Variants in RAD18 observed in about 807,000 individuals in gnomAD.
RAD18 encodes the protein E3 ubiquitin-protein ligase RAD18.
A neutral mutation model predicts 60.4 loss-of-function variants in RAD18; 47 were observed. The observed-to-expected ratio is 0.78, with a 90% confidence interval of 0.62 to 0.99. The LOEUF (loss-of-function observed/expected upper bound fraction) is 0.99, where lower values mean the gene tolerates loss of function less well. Among genes scored for constraint, RAD18 ranks in the 50% least tolerant of loss-of-function variants. RAD18 has a pLI of 0.00. For synonymous variants in RAD18, 225 were observed against 195.5 expected, an observed-to-expected ratio of 1.15 and a Z score of -1.26; for missense variants, 640 against 593.3, an observed-to-expected ratio of 1.08 and a Z score of -0.82.
At chr3:8,934,017 G>C (rs1201934981) in intron 7 of RAD18, among the ~76,000 whole-genome samples, 1 of 152,192 alleles carries the variant, frequency 6.6e-6, no homozygotes, top group East Asian at 1.9e-4. Flanking sequence ...TCTCAGCCAA[G>C]ACTTCTGGCA....
At chr3:8,940,054 TG>T (rs1940721436) in intron 5 of RAD18, among the ~76,000 whole-genome samples, 1 of 152,258 alleles carries the variant, frequency 6.6e-6, no homozygotes, top group African/African-American at 2.4e-5. Context: ...AAGACACACC[TG>T]GCCCAAGGGC....
intron 7 of RAD18, among the ~76,000 whole-genome samples, chr3:8,929,549 A>C (rs1406413832): frequency 1.3e-5 from 2 of 152,220 alleles, no homozygotes; most frequent in African/African-American, 4.8e-5. Context: ...TTTAATATTC[A>C]AAAATTAATC....
intron 7 of RAD18, chr3:8,931,385 C>T (rs1940550603): frequency 6.6e-6 from 1 of 152,214 alleles, no homozygotes; most frequent in Non-Finnish European, 1.5e-5. Flanking sequence ...CATACCACGA[C>T]TGTGCATTAA....
At chr3:8,921,937 C>T (rs1161762478) in intron 7 of RAD18, among the ~76,000 whole-genome samples, 1 of 151,982 alleles carries the variant, frequency 6.6e-6, no homozygotes, top group South Asian at 2.1e-4. Context: ...AAAAATAGTA[C>T]AAAGAATGAA....
intron 7 of RAD18, among the ~76,000 whole-genome samples, chr3:8,930,694 C>G (rs1940538677): frequency 2.0e-5 from 3 of 152,006 alleles, no homozygotes; most frequent in African/African-American, 7.3e-5. Context: ...TAATAATAAA[C>G]TAGGAAGGGA....
intron 12 of RAD18, among the ~76,000 whole-genome samples, chr3:8,886,748 G>A (rs889649665): frequency 3.9e-5 from 6 of 152,316 alleles, no homozygotes; most frequent in African/African-American, 1.2e-4. Flanking sequence ...AAGGGGAAAG[G>A]GCAATTTGGA....
chr3:8,900,982 C>G (rs1385186841), intron 10 of RAD18, among the ~76,000 whole-genome samples: 3 of 152,170 alleles, frequency 2.0e-5, no homozygotes, highest in African/African-American at 7.2e-5. Flanking sequence ...TTCTCAAGTG[C>G]TAAACTAGTT....
chr3:8,881,731 A>T (rs1395358074), intron 12 of RAD18, among the ~76,000 whole-genome samples: 1 of 152,196 alleles, frequency 6.6e-6, no homozygotes, highest in East Asian at 1.9e-4. Flanking sequence ...GAGGGCTGGG[A>T]AAAAACGGCA....
chr3:8,951,919 A>ACTG (rs1332680165), intron 2 of RAD18, among the ~76,000 whole-genome samples: 1 of 152,222 alleles, frequency 6.6e-6, no homozygotes, highest in Admixed American at 6.5e-5. Context: ...CCACCTGCTC[A>ACTG]CTGCGTCCTC....
intron 7 of RAD18, among the ~76,000 whole-genome samples, chr3:8,919,589 T>C (rs574369626): frequency 6.6e-6 from 1 of 152,346 alleles, no homozygotes; most frequent in Admixed American, 6.5e-5. Context: ...CATGTGTATG[T>C]ATATATGTAT....
chr3:8,894,043 G>C (rs898788917), intron 11 of RAD18, among the ~76,000 whole-genome samples: 2 of 152,054 alleles, frequency 1.3e-5, no homozygotes, highest in African/African-American at 4.8e-5. Flanking sequence ...CTCCCCACTT[G>C]ACAAAGGCTG....
intron 10 of RAD18, among the ~76,000 whole-genome samples, chr3:8,899,468 G>T (rs1031371023): frequency 2.0e-5 from 3 of 152,134 alleles, no homozygotes; most frequent in African/African-American, 7.2e-5. Context: ...ATATGATAGT[G>T]AATCTATCTG....
intron 12 of RAD18, among the ~76,000 whole-genome samples, chr3:8,885,795 C>T (rs1241939123): frequency 1.3e-5 from 2 of 152,208 alleles, no homozygotes; most frequent in African/African-American, 4.8e-5. Context: ...TTCACACAAC[C>T]CATGTTCATT....
intron 9 of RAD18, among the ~76,000 whole-genome samples, chr3:8,910,062 T>A (rs144433961): frequency 1.3e-5 from 2 of 151,966 alleles, no homozygotes; most frequent in Non-Finnish European, 2.9e-5. Context: ...TCCCAGAAAG[T>A]TGGTGACAAG....
At chr3:8,890,539 T>G in intron 11 of RAD18, 88 bp from the exon 12 acceptor site, 3 of 1,018,926 alleles carry the variant, frequency 2.9e-6, no homozygotes, top group Non-Finnish European at 4.4e-6. Flanking sequence ...AACAAATGAG[T>G]CTATAGTGAC....
Position 8,878,425 on chromosome 3 carries a change from T to C in RAD18, c.*2932A>G, listed in dbSNP as rs1160431355. Reference sequence around the variant, plus strand: ...GTTGTGGTTTTCCCTCTTATGTTCATACTTTCATAATATGTACATAACAGA... The same window carrying C: ...GTTGTGGTTTTCCCTCTTATGTTCACACTTTCATAATATGTACATAACAGA... On this transcript the variant is annotated 3_prime_UTR_variant, in exon 13 of 13. Transcript: ENST00000264926. The C allele has an allele frequency of 1.3e-5, 2 of 152,234 alleles. No homozygotes were observed. Among genetic ancestry groups the C allele is most frequent in the African/African-American group, 2.4e-5 (1 of 41,466 alleles). 9.4% of individuals were successfully genotyped at this position (152,234 alleles called of 1,614,324 possible).
At chr3:8,904,906 T>A (rs1162532858) in intron 9 of RAD18, among the ~76,000 whole-genome samples, 1 of 152,222 alleles carries the variant, frequency 6.6e-6, no homozygotes, top group Non-Finnish European at 1.5e-5. Context: ...TGACTTATTA[T>A]CTTCTGAAGT....
chr3:8,896,907 T>C (rs1226714891), intron 11 of RAD18, among the ~76,000 whole-genome samples: 1 of 151,962 alleles, frequency 6.6e-6, no homozygotes, highest in Non-Finnish European at 1.5e-5. Flanking sequence ...TTTTAGTCAA[T>C]CACTTTAAAT....
At chr3:8,911,089 A>T (rs1471402707) in intron 9 of RAD18, among the ~76,000 whole-genome samples, 1 of 152,228 alleles carries the variant, frequency 6.6e-6, no homozygotes, top group Non-Finnish European at 1.5e-5. Context: ...CTGACACTAA[A>T]TCAAAATGTA....
Sources: gnomAD v4.1 joint callset for allele counts (sites outside exome capture counted in the v4.1 genomes callset) on GRCh38, gnomAD v4.1.1 for gene constraint, MANE v1.5 for transcripts, NCBI Gene and HGNC (gene_info 2026-07-23, HGNC 2026-07-21) for gene names.